Variants in MTMR8 observed in about 807,000 individuals in gnomAD.
The protein encoded by MTMR8 is myotubularin related protein 8.
In MTMR8, 65 loss-of-function variants were observed where a neutral mutation model predicts 39.3. The observed-to-expected ratio is 1.65, with a 90% CI of 1.35 to 2.03. MTMR8 has a LOEUF of 2.03. MTMR8 is among the 30% of genes most tolerant of loss of function. The probability of loss-of-function intolerance (pLI) is 0.00; values close to 1 mark genes in which losing one functional copy is unlikely to be tolerated. For synonymous variants in MTMR8, 245 were observed against 185.2 expected, an observed-to-expected ratio of 1.32 and a Z score of -2.62; for missense variants, 777 against 538.9, an observed-to-expected ratio of 1.44 and a Z score of -4.37.
chrX:64,314,726 G>A (rs547815724), intron 12 of MTMR8, among the ~76,000 whole-genome samples: 20 of 112,493 alleles, frequency 1.8e-4, no homozygotes, highest in South Asian at 3.7e-4. Context: ...ACACATGTGC[G>A]GTCAAGGCAA....
At chrX:64,356,126 T>C in intron 3 of MTMR8, 50 bp downstream of exon 3, 1 of 1,145,858 alleles carries the variant, frequency 8.7e-7, no homozygotes, top group Non-Finnish European at 1.2e-6. Flanking sequence ...CATTATGCCA[T>C]TTTGGAAAAA....
chrX:64,369,707 T>C (rs1924077960), intron 1 of MTMR8, among the ~76,000 whole-genome samples: 1 of 111,161 alleles, frequency 9.0e-6, no homozygotes, highest in Non-Finnish European at 1.9e-5. Flanking sequence ...GGCACATGTA[T>C]ACCTATGTAA....
At chrX:64,275,473 AC>A (rs1309805697) in intron 12 of MTMR8, among the ~76,000 whole-genome samples, 2 of 109,413 alleles carry the variant, frequency 1.8e-5, no homozygotes, top group African/African-American at 6.6e-5. Flanking sequence ...AGGCAGGAGA[AC>A]TGTTTGAGGC....
chrX:64,339,306 G>A (rs1330774564), intron 8 of MTMR8, among the ~76,000 whole-genome samples: 1 of 111,344 alleles, frequency 9.0e-6, no homozygotes, highest in Non-Finnish European at 1.9e-5. Flanking sequence ...GAGCCAGGAG[G>A]GAATAGTTGG....
intron 12 of MTMR8, among the ~76,000 whole-genome samples, chrX:64,295,871 T>C (rs1264898026): frequency 2.7e-5 from 3 of 111,905 alleles, no homozygotes; most frequent in Non-Finnish European, 5.6e-5. Context: ...GAATGTAAAA[T>C]GGCACAGCCA....
At chrX:64,329,853 G>A in intron 11 of MTMR8, among the ~76,000 whole-genome samples, 1 of 111,518 alleles carries the variant, frequency 9.0e-6, no homozygotes. Context: ...CTAATTTGTT[G>A]AGTATTTACT....
intron 1 of MTMR8, among the ~76,000 whole-genome samples, chrX:64,382,289 C>T (rs931330901): frequency 4.6e-4 from 51 of 111,553 alleles, no homozygotes; most frequent in African/African-American, 1.6e-3. Context: ...TGAGCAGTGG[C>T]TTGTAGTTCT....
At chrX:64,360,175 A>T (rs1005231484) in intron 1 of MTMR8, among the ~76,000 whole-genome samples, 1 of 110,477 alleles carries the variant, frequency 9.1e-6, no homozygotes, top group African/African-American at 3.3e-5. Flanking sequence ...ATATGAACCA[A>T]AATAAAGCTG....
intron 12 of MTMR8, among the ~76,000 whole-genome samples, chrX:64,286,457 T>C (rs1921180119): frequency 8.9e-6 from 1 of 112,063 alleles, no homozygotes; most frequent in Admixed American, 9.4e-5. Context: ...CCCTAACTCA[T>C]TTCATGAGGC....
intron 12 of MTMR8, among the ~76,000 whole-genome samples, chrX:64,310,726 C>T (rs1408975331): frequency 1.8e-5 from 2 of 110,533 alleles, no homozygotes; most frequent in Non-Finnish European, 3.8e-5. Context: ...GTTCAATTCC[C>T]ACCTATGAGT....
chrX:64,331,222 C>T (rs755730617), intron 11 of MTMR8, among the ~76,000 whole-genome samples: 1 of 112,099 alleles, frequency 8.9e-6, no homozygotes, highest in Non-Finnish European at 1.9e-5. Context: ...AGTTTGTAAT[C>T]TCTGATATGA....
In MTMR8 at chrX:64,356,249, C is replaced by T; in HGVS notation, c.237G>A (p.Val79=). 1 of 1,209,155 alleles carries T rather than the reference C, an allele frequency of 8.3e-7. No individual in the cohort carries two copies. Among genetic ancestry groups the T allele is most frequent in the Non-Finnish European group, 1.1e-6 (1 of 894,287 alleles). Residue 79 remains valine (V), a synonymous_variant, in exon 3 of 14, where the codon GTG becomes GTA. Transcript: ENST00000374852. ...GGTCAGAATCTAAAACAAAGTGGGC[C>T]ACCCGGAAATTCTTGCAGCGGAGGG... is the stretch of plus-strand genomic sequence containing the variant. ...PLTLRCKNFR[V]AHFVLDSDLV...
intron 6 of MTMR8, among the ~76,000 whole-genome samples, chrX:64,347,999 C>A (rs750089377): frequency 7.1e-5 from 8 of 112,021 alleles, no homozygotes; most frequent in Non-Finnish European, 1.5e-4. Context: ...AAGGATTTGA[C>A]TAGGTCTATC....
chrX:64,323,384 G>A (rs917615122), intron 12 of MTMR8, among the ~76,000 whole-genome samples: 1 of 111,964 alleles, frequency 8.9e-6, no homozygotes, highest in Non-Finnish European at 1.9e-5. Context: ...ATTTTAATAT[G>A]TATACACCTA....
At chrX:64,349,490 T>C (rs978118750) in intron 5 of MTMR8, among the ~76,000 whole-genome samples, 1 of 111,073 alleles carries the variant, frequency 9.0e-6, no homozygotes, top group Non-Finnish European at 1.9e-5. Flanking sequence ...TGATAAATAT[T>C]ATCACTTCCT....
At chrX:64,272,794 T>C (rs1931790126) in intron 12 of MTMR8, among the ~76,000 whole-genome samples, 2 of 111,435 alleles carry the variant, frequency 1.8e-5, no homozygotes, top group African/African-American at 6.5e-5. Context: ...CAACTTGTCA[T>C]ATGCAGGAAA....
At position 64,354,856 on chromosome X, in the gene MTMR8, A is replaced by G; in HGVS notation, c.389T>C (p.Ile130Thr). The G allele has an allele frequency of 2.5e-6, 3 of 1,205,800 alleles. No individual in the cohort carries two copies. Among genetic ancestry groups the G allele is most frequent in the Non-Finnish European group, 3.4e-6 (3 of 891,159 alleles). Residue 130 changes from isoleucine to threonine, a missense_variant, in exon 4 of 14, where the codon ATT (isoleucine) becomes ACT (threonine). Physicochemically the swap from Ile to Thr is moderately conservative, Grantham distance 89. Transcript: ENST00000374852. The stretch of plus-strand genomic sequence containing the variant: ...ACGCCCAAAGTCTGATATTGGGTCA[A>G]TCAGTTTCCATCCACTTTCCCTCAT... ...KEMRESGWKLIDPISDFGRMG... is the reference protein window; with the variant it reads ...KEMRESGWKLTDPISDFGRMG...
At chrX:64,382,570 A>G (rs993335383) in intron 1 of MTMR8, among the ~76,000 whole-genome samples, 4 of 110,826 alleles carry the variant, frequency 3.6e-5, no homozygotes, top group Non-Finnish European at 3.8e-5. Flanking sequence ...TTGACTTCCT[A>G]TTTCCCTAAT....
intron 6 of MTMR8, among the ~76,000 whole-genome samples, chrX:64,345,644 T>C (rs769992390): frequency 8.9e-6 from 1 of 111,923 alleles, no homozygotes; most frequent in Non-Finnish European, 1.9e-5. Flanking sequence ...AGTGTCTCAC[T>C]CTGTCATTAA....
Sources: allele counts gnomAD v4.1 joint callset (sites outside exome capture counted in the v4.1 genomes callset), GRCh38; gene constraint gnomAD v4.1.1; transcripts MANE v1.5; gene names NCBI Gene and HGNC (gene_info 2026-07-23, HGNC 2026-07-21).